Variants in MAOB observed in about 807,000 individuals in gnomAD.
The protein encoded by MAOB is amine oxidase [flavin-containing] B.
In MAOB, 15 loss-of-function variants were observed where a neutral mutation model predicts 41.9. The observed-to-expected ratio is 0.36, with a 90% CI of 0.24 to 0.55. The LOEUF (loss-of-function observed/expected upper bound fraction) is 0.55, where lower values mean the gene tolerates loss of function less well. MAOB is among the 20% of genes least tolerant of loss of function. The probability of loss-of-function intolerance (pLI) is 0.86; values close to 1 mark genes in which losing one functional copy is unlikely to be tolerated. For missense variants in MAOB, 345 were observed against 398.7 expected (o/e 0.87, Z 1.15); for synonymous variants, 167 against 144.2 (o/e 1.16, Z -1.13).
At chrX:43,824,282 G>T (rs763169386) in intron 3 of MAOB, among the ~76,000 whole-genome samples, 2 of 112,572 alleles carry the variant, frequency 1.8e-5, no homozygotes, top group South Asian at 7.3e-4. Flanking sequence ...GAAGCTCTAT[G>T]GTTGAGTGAG....
intron 3 of MAOB, among the ~76,000 whole-genome samples, chrX:43,823,470 G>A (rs2034908379): frequency 9.0e-6 from 1 of 111,109 alleles, no homozygotes; most frequent in African/African-American, 3.3e-5. Context: ...ACCACGCCAG[G>A]CCTACAGATG....
chrX:43,791,692 G>A (rs2034464664), intron 8 of MAOB, among the ~76,000 whole-genome samples: 1 of 110,862 alleles, frequency 9.0e-6, no homozygotes, highest in African/African-American at 3.3e-5. Flanking sequence ...GGAAGGCAGG[G>A]GTTGCAGTGA....
intron 3 of MAOB, 84 bp downstream of exon 3, chrX:43,838,784 T>C: frequency 1.1e-6 from 1 of 930,934 alleles, no homozygotes; most frequent in South Asian, 3.5e-5. Flanking sequence ...ATATAGAAGA[T>C]TCTCTGAGAG....
intron 1 of MAOB, among the ~76,000 whole-genome samples, chrX:43,880,788 A>G (rs1394510167): frequency 8.9e-6 from 1 of 112,301 alleles, no homozygotes; most frequent in Non-Finnish European, 1.9e-5. Context: ...TGAAGGGAAA[A>G]TAGAAAAATC....
At chrX:43,814,402 A>T (rs983721823) in intron 3 of MAOB, among the ~76,000 whole-genome samples, 45 of 111,954 alleles carry the variant, frequency 4.0e-4, no homozygotes, top group African/African-American at 1.5e-3. Flanking sequence ...TCTAATATCC[A>T]TCAGCGCAAA....
At chrX:43,780,246 A>G in intron 10 of MAOB, 96 bp downstream of exon 10, 1 of 700,267 alleles carries the variant, frequency 1.4e-6, no homozygotes, top group Non-Finnish European at 2.2e-6. Flanking sequence ...GCAGGCAAGT[A>G]GGTAGAAAAG....
chrX:43,834,285 T>C (rs1250548988), intron 3 of MAOB, among the ~76,000 whole-genome samples: 1 of 111,368 alleles, frequency 9.0e-6, no homozygotes, highest in Non-Finnish European at 1.9e-5. Flanking sequence ...AGCAAGTGTA[T>C]TCTGGACTTT....
chrX:43,817,252 C>T (rs891695626), intron 3 of MAOB, among the ~76,000 whole-genome samples: 1 of 109,999 alleles, frequency 9.1e-6, no homozygotes, highest in Non-Finnish European at 1.9e-5. Flanking sequence ...ATGCCTCATC[C>T]CCCATTACTT....
rs1433628393 is a variant in MAOB, at chrX:43,780,266, AAG to A, written c.1079+74_1079+75del. On this transcript the variant is annotated intron_variant, in intron 10 of 14. Coordinates refer to ENST00000378069, the MANE Select transcript of MAOB (RefSeq NM_000898.5). ...CAAGTAGGTAGAAAAGAAGGAAAGA[AAG>A]AGAAAAGGGAGGGAGGGATGGAGTG... is the stretch of plus-strand genomic sequence containing the variant. 5 of 857,867 alleles carry A rather than the reference AAG, an allele frequency of 5.8e-6. No homozygotes were observed. In the African/African-American group the frequency reaches 1.0e-4, roughly 18 times the overall value. The allele number at this position is 857,867 out of a possible 1,213,427, so 70.7% of individuals were successfully genotyped here.
At chrX:43,843,912 T>C (rs2035170771) in intron 1 of MAOB, 148 bp from the exon 2 acceptor site, 2 of 1,006,775 alleles carry the variant, frequency 2.0e-6, no homozygotes, top group Non-Finnish European at 2.5e-6. Flanking sequence ...GGTTTGTCAA[T>C]AGAGGCCCAG....
intron 3 of MAOB, among the ~76,000 whole-genome samples, chrX:43,823,521 C>T (rs1373481253): frequency 2.7e-5 from 3 of 111,221 alleles, no homozygotes; most frequent in African/African-American, 9.8e-5. Flanking sequence ...AGAAAATACA[C>T]AGTCACATAT....
At chrX:43,842,253 T>C (rs1282086634) in intron 2 of MAOB, among the ~76,000 whole-genome samples, 2 of 112,318 alleles carry the variant, frequency 1.8e-5, no homozygotes, top group African/African-American at 6.5e-5. Context: ...GCAAAGGAAC[T>C]GAACAGACAC....
chrX:43,815,900 A>T (rs934401223), intron 3 of MAOB, among the ~76,000 whole-genome samples: 1 of 112,165 alleles, frequency 8.9e-6, no homozygotes, highest in African/African-American at 3.2e-5. Context: ...GAAAATGTTA[A>T]ATATCCATCA....
Position 43,878,043 on chromosome X carries a change from C to T in MAOB, c.46+4211G>A, listed in dbSNP as rs141009913. Among the ~76,000 whole-genome samples the T allele has an allele frequency of 0.014, 1,528 of 111,925 alleles. 42 individuals are homozygous for T. The South Asian group carries it at 0.17, about 12-fold the overall frequency. On this transcript the variant is annotated intron_variant, in intron 1 of 14. Coordinates refer to ENST00000378069, the MANE Select transcript of MAOB (RefSeq NM_000898.5). Reference sequence around the variant, plus strand: ...GAGTAAGGCACCTATAAGCCAAAGCCGAAGTGATCACTGTTTATGGTCCTA... The same window carrying T: ...GAGTAAGGCACCTATAAGCCAAAGCTGAAGTGATCACTGTTTATGGTCCTA...
intron 1 of MAOB, among the ~76,000 whole-genome samples, chrX:43,871,914 G>T (rs974992080): frequency 6.3e-5 from 7 of 110,886 alleles, no homozygotes; most frequent in African/African-American, 2.3e-4. Flanking sequence ...CTCTATCACA[G>T]GATTTGAATG....
At chrX:43,853,285 A>AG (rs1376962114) in intron 1 of MAOB, among the ~76,000 whole-genome samples, 31 of 107,912 alleles carry the variant, frequency 2.9e-4, no homozygotes, top group East Asian at 6.0e-4. Context: ...AAAAAAAAAA[A>AG]AAAAGAAAAG....
At chrX:43,834,268 T>G (rs931716309) in intron 3 of MAOB, among the ~76,000 whole-genome samples, 1 of 111,258 alleles carries the variant, frequency 9.0e-6, no homozygotes, top group African/African-American at 3.3e-5. Flanking sequence ...TCTGTCTTTA[T>G]GAGAGAAGCA....
At chrX:43,771,223 T>C (rs2034178176) in intron 12 of MAOB, among the ~76,000 whole-genome samples, 1 of 112,210 alleles carries the variant, frequency 8.9e-6, no homozygotes. Flanking sequence ...AAACCATACT[T>C]CAAGTACCCA....
At chrX:43,837,917 G>A (rs1405833480) in intron 3 of MAOB, 1 of 331,112 alleles carries the variant, frequency 3.0e-6, no homozygotes, top group Admixed American at 3.1e-5. Flanking sequence ...GGACCAAGAT[G>A]AGGATGCTGG....
Sources: gnomAD v4.1 joint callset for allele counts (sites outside exome capture counted in the v4.1 genomes callset) on GRCh38, gnomAD v4.1.1 for gene constraint, MANE v1.5 for transcripts, NCBI Gene and HGNC (gene_info 2026-07-23, HGNC 2026-07-21) for gene names.